The following CHRM2 variants were observed in gnomAD, a reference collection of about 807,000 sequenced individuals.
CHRM2 encodes muscarinic acetylcholine receptor M2.
In CHRM2, 8 loss-of-function variants were observed where a neutral mutation model predicts 25.0. The observed-to-expected ratio is 0.32, with a 90% CI of 0.19 to 0.58. The LOEUF (loss-of-function observed/expected upper bound fraction) is 0.58. Ranked by LOEUF, CHRM2 falls within the 20% of genes least tolerant of loss-of-function variation. The pLI, the probability that CHRM2 is intolerant of heterozygous loss-of-function variation, is 0.88. For synonymous variants in CHRM2, 202 were observed against 205.7 expected (o/e 0.98, Z 0.15); for missense variants, 440 against 567.1 (o/e 0.78, Z 2.28).
Position 137,016,232 on chromosome 7 carries a change from T to G in CHRM2, c.1367T>G (p.Met456Arg), listed in dbSNP as rs751826842. 6.2e-7 allele frequency: 1 copy of G among 1,612,944 alleles called. No homozygotes were observed. Among genetic ancestry groups the G allele is most frequent in the Non-Finnish European group, 8.5e-7 (1 of 1,179,240 alleles). Residue 456 changes from methionine (M) to arginine (R), a missense_variant, in exon 4 of 4, where the codon ATG (methionine) becomes AGG (arginine). Met to Arg is a moderately conservative substitution (Grantham distance 91, BLOSUM62 -1). Coordinates refer to ENST00000680005, the MANE Select transcript of CHRM2 (RefSeq NM_001006630.2). Reference sequence around the variant, plus strand: ...AAGAAGACCTTTAAACACCTTCTCATGTGTCATTATAAGAACATAGGCGCT... The same window carrying G: ...AAGAAGACCTTTAAACACCTTCTCAGGTGTCATTATAAGAACATAGGCGCT... The part of the protein sequence containing the change: ...TFKKTFKHLL[M>R]CHYKNIGATR
At chr7:136,880,652 G>T (rs1796230090) in intron 2 of CHRM2, among the ~76,000 whole-genome samples, 2 of 151,354 alleles carry the variant, frequency 1.3e-5, no homozygotes, top group African/African-American at 2.4e-5. Context: ...TATTTATTAG[G>T]CCAGTTTTAA....
At chr7:136,903,158 T>C (rs1160021706) in intron 2 of CHRM2, 1 of 534,048 alleles carries the variant, frequency 1.9e-6, no homozygotes, top group Admixed American at 1.9e-5. Context: ...AGGATCTCCC[T>C]TCACTTTATG....
At chr7:136,948,234 A>G (rs1354548732) in intron 2 of CHRM2, among the ~76,000 whole-genome samples, 2 of 152,152 alleles carry the variant, frequency 1.3e-5, no homozygotes, top group Admixed American at 1.3e-4. Context: ...TGCAGTTAAG[A>G]GAAACATTAT....
chr7:136,987,046 T>C (rs895893833), intron 2 of CHRM2, among the ~76,000 whole-genome samples: 1 of 152,192 alleles, frequency 6.6e-6, no homozygotes, highest in African/African-American at 2.4e-5. Flanking sequence ...ACTGATTTTC[T>C]CTTCCGCTTG....
intron 2 of CHRM2, among the ~76,000 whole-genome samples, chr7:136,937,833 A>G (rs1417588106): frequency 6.6e-6 from 1 of 152,214 alleles, no homozygotes; most frequent in Non-Finnish European, 1.5e-5. Context: ...TCACTTAGAA[A>G]GGGGAAACAG....
chr7:137,016,402 CA>C lies in CHRM2; in HGVS notation c.*137del. ...CAAAACGTGCAATTCAGGAGCCCAG[CA>C]GTGACACACTTATCACGCCTAGGCT... is the stretch of plus-strand genomic sequence containing the variant. On this transcript the variant is annotated 3_prime_UTR_variant, in exon 4 of 4. Coordinates refer to ENST00000680005, the MANE Select transcript of CHRM2 (RefSeq NM_001006630.2). The C allele has an allele frequency of 1.1e-6, 1 of 921,750 alleles. No homozygotes were observed. Among genetic ancestry groups the C allele is most frequent in the East Asian group, 2.6e-5 (1 of 38,058 alleles). 57.1% of individuals were successfully genotyped at this position (921,750 alleles called of 1,614,324 possible). A position where few individuals can be genotyped will look rare whatever the true frequency, so the allele number is the denominator to read the frequency against.
intron 2 of CHRM2, among the ~76,000 whole-genome samples, chr7:136,912,657 G>C (rs1797904492): frequency 6.6e-6 from 1 of 151,682 alleles, no homozygotes; most frequent in Non-Finnish European, 1.5e-5. Context: ...CTTCTTAGGT[G>C]GTAAAAACCT....
At chr7:136,983,813 A>G (rs324622) in intron 2 of CHRM2, among the ~76,000 whole-genome samples, 134,269 of 152,112 alleles carry the variant, frequency 0.88, 59,703 homozygotes, top group Middle Eastern at 0.97. Flanking sequence ...TGGAAGCTTC[A>G]TCCCAGAGGA....
At chr7:136,935,225 C>G (rs1292359230) in intron 2 of CHRM2, among the ~76,000 whole-genome samples, 1 of 151,866 alleles carries the variant, frequency 6.6e-6, no homozygotes, top group Non-Finnish European at 1.5e-5. Flanking sequence ...GGGGGGTAAA[C>G]ACATTGGTGA....
At chr7:136,947,491 T>C (rs1800138010) in intron 2 of CHRM2, among the ~76,000 whole-genome samples, 1 of 152,182 alleles carries the variant, frequency 6.6e-6, no homozygotes, top group Admixed American at 6.5e-5. Flanking sequence ...TATGGATTTT[T>C]ATCAATCTAA....
rs1803496432 is a variant in CHRM2, at chr7:136,994,980, TGGA to T, written c.-47+2717_-47+2719del. 3.3e-5 allele frequency among the ~76,000 whole-genome samples: 5 copies of T among 152,226 alleles called. No homozygotes were observed. The South Asian group carries it at 8.3e-4, about 25-fold the overall frequency. On this transcript the variant is annotated intron_variant, in intron 3 of 3. Transcript: ENST00000680005. ...TCCTTATTCAGAGGTGAGAAGGCTG[TGGA>T]ATACAATTAACTTTAATAAATACAG...
chr7:136,957,574 A>G (rs1363703746), intron 2 of CHRM2, among the ~76,000 whole-genome samples: 1 of 152,234 alleles, frequency 6.6e-6, no homozygotes, highest in African/African-American at 2.4e-5. Context: ...CACTCGAGAG[A>G]CGAGTTGGGA....
Position 137,016,353 on chromosome 7 carries a change from C to A in CHRM2, c.*87C>A. The A allele has an allele frequency of 1.5e-6, 2 of 1,311,064 alleles. No homozygotes were observed. Among genetic ancestry groups the A allele is most frequent in the South Asian group, 2.4e-5 (2 of 82,400 alleles). 81.2% of individuals were successfully genotyped at this position (1,311,064 alleles called of 1,614,324 possible). On this transcript the variant is annotated 3_prime_UTR_variant, in exon 4 of 4. Transcript: ENST00000680005. The stretch of plus-strand genomic sequence containing the variant: ...CGAGCTCCTAGTTTTAAAATCTCTG[C>A]CATTGCACTTTATAGTCTGATTACA...
intron 2 of CHRM2, among the ~76,000 whole-genome samples, chr7:136,943,206 T>G (rs994170490): frequency 4.6e-5 from 7 of 152,170 alleles, no homozygotes; most frequent in Non-Finnish European, 1.0e-4. Context: ...ATCCAATCAT[T>G]AGAGAGGTTG....
rs1432240899 is a variant in CHRM2, at chr7:137,018,059, T to C, written c.*1793T>C. ...TATTTTGGATTTTAGATTTATGATA[T>C]CTTGTTCAGTAATAATAATGTTAGT... On this transcript the variant is annotated 3_prime_UTR_variant, in exon 4 of 4. Coordinates refer to ENST00000680005, the MANE Select transcript of CHRM2 (RefSeq NM_001006630.2). The C allele has an allele frequency of 6.6e-6, 1 of 151,942 alleles. No homozygotes were observed. The highest frequency in any genetic ancestry group is 2.4e-5 in the African/African-American group (1 of 41,430). 9.4% of individuals were successfully genotyped at this position (151,942 alleles called of 1,614,324 possible).
chr7:136,903,292 C>T, intron 2 of CHRM2: 1 of 526,350 alleles, frequency 1.9e-6, no homozygotes. Flanking sequence ...GCGGACACTT[C>T]CAACTCCATC....
At chr7:136,959,335 G>A (rs572380115) in intron 2 of CHRM2, among the ~76,000 whole-genome samples, 2 of 152,214 alleles carry the variant, frequency 1.3e-5, no homozygotes, top group Non-Finnish European at 2.9e-5. Context: ...GATAAGCAAA[G>A]TGATTTGAGT....
intron 2 of CHRM2, among the ~76,000 whole-genome samples, chr7:136,956,364 G>A (rs1040300277): frequency 4.6e-5 from 7 of 152,042 alleles, no homozygotes; most frequent in Non-Finnish European, 7.4e-5. Flanking sequence ...TTTTCTAGAT[G>A]AGCCTTAATA....
At chr7:136,918,775 G>C (rs1404155778) in intron 2 of CHRM2, among the ~76,000 whole-genome samples, 1 of 151,942 alleles carries the variant, frequency 6.6e-6, no homozygotes, top group Non-Finnish European at 1.5e-5. Context: ...CTCCAGGCTG[G>C]TGTTATAGAG....
Sources: gnomAD v4.1 joint callset for allele counts (sites outside exome capture counted in the v4.1 genomes callset) on GRCh38, gnomAD v4.1.1 for gene constraint, MANE v1.5 for transcripts, NCBI Gene and HGNC (gene_info 2026-07-23, HGNC 2026-07-21) for gene names.